The following SOX6 variants were observed in gnomAD, a reference collection of about 807,000 sequenced individuals.
The protein encoded by SOX6 is transcription factor SOX-6.
In SOX6, 11 loss-of-function variants were observed where a neutral mutation model predicts 97.8. The ratio of observed to expected loss-of-function variants is 0.11; its 90% CI spans 0.07 to 0.19. The LOEUF is 0.19. SOX6 is among the 10% of genes least tolerant of loss of function. The pLI, the probability that SOX6 is intolerant of heterozygous loss-of-function variation, is 1.00. For missense variants in SOX6, 810 were observed against 1,039.5 expected, an observed-to-expected ratio of 0.78 and a Z score of 3.04; for synonymous variants, 360 against 371.4, an observed-to-expected ratio of 0.97 and a Z score of 0.35.
chr11:16,425,215 A>AAAC (rs1363532287), intron 1 of SOX6, among the ~76,000 whole-genome samples: 5 of 152,224 alleles, frequency 3.3e-5, no homozygotes, highest in Admixed American at 6.5e-5. Context: ...ATTTTCTAAG[A>AAAC]AACAGTCTGA....
At chr11:16,349,688 GGAAGGAAGGAAGGAAGGAAGGAAGGAA>G (rs1183127063) in intron 1 of SOX6, among the ~76,000 whole-genome samples, 15 of 56,664 alleles carry the variant, frequency 2.6e-4, no homozygotes, top group African/African-American at 7.5e-4. Context: ...AAGGAAGGAA[GGAAGGAAGGAAGGAAGGAAGGAAGGAA>G]GAAGGAAGGA....
chr11:16,045,092 A>G (rs1169471990), intron 12 of SOX6, among the ~76,000 whole-genome samples: 1 of 152,116 alleles, frequency 6.6e-6, no homozygotes, highest in African/African-American at 2.4e-5. Context: ...TTCCCTCCCA[A>G]ATGAATTTAA....
rs1848383080 is a variant in SOX6 at position 16,610,443 on chromosome 11, T to C, written n.609+1638A>G. ...GGGTTCTGGTGGGCAAGACTGACCC[T>C]GCCGACCAGATGCAGGCCGCTAGCG... On this transcript the variant is annotated intron_variant and non_coding_transcript_variant, in intron 4 of 5. Transcript: ENST00000524520. This position sits in a 1 kb window ranked among gnomAD's most constrained non-coding sequence, Gnocchi z 4.4. Among the ~76,000 whole-genome samples the C allele has an allele frequency of 6.6e-6, 1 of 152,126 alleles. No individual in the cohort carries two copies. The highest frequency in any genetic ancestry group is 2.4e-5 in the African/African-American group (1 of 41,420).
intron 3 of SOX6, among the ~76,000 whole-genome samples, chr11:16,293,281 T>C (rs1854968708): frequency 6.6e-6 from 1 of 152,106 alleles, no homozygotes; most frequent in African/African-American, 2.4e-5. Flanking sequence ...TTTGTAATAG[T>C]AGATGAGAGA....
chr11:16,161,809 T>TG (rs1254548209), intron 6 of SOX6, among the ~76,000 whole-genome samples: 1 of 152,226 alleles, frequency 6.6e-6, no homozygotes, highest in Non-Finnish European at 1.5e-5. Context: ...CACTTGGCCT[T>TG]GCCTTAGTGT....
chr11:16,439,317 G>A (rs1859452624), intron 1 of SOX6, among the ~76,000 whole-genome samples: 1 of 152,048 alleles, frequency 6.6e-6, no homozygotes, highest in African/African-American at 2.4e-5. Flanking sequence ...TTATTTAATT[G>A]TATTTCTATC....
intron 4 of SOX6, among the ~76,000 whole-genome samples, chr11:16,551,631 T>A (rs1212233644): frequency 1.3e-5 from 2 of 151,788 alleles, no homozygotes; most frequent in Admixed American, 6.6e-5. Context: ...TGAGACAGAG[T>A]CTCACTCTGT....
At chr11:16,075,652 G>T (rs1270618425) in intron 9 of SOX6, among the ~76,000 whole-genome samples, 1 of 152,054 alleles carries the variant, frequency 6.6e-6, no homozygotes, top group Non-Finnish European at 1.5e-5. Flanking sequence ...ACCAAGTCCT[G>T]TTGGGGAGTG....
intron 3 of SOX6, among the ~76,000 whole-genome samples, chr11:16,618,486 T>C (rs2133987069): frequency 6.6e-6 from 1 of 152,002 alleles, no homozygotes; most frequent in Non-Finnish European, 1.5e-5. Context: ...TTTAATGAAG[T>C]CTAAAGGAGC....
chr11:16,219,745 G>A (rs1402848687), intron 4 of SOX6, among the ~76,000 whole-genome samples: 2 of 151,962 alleles, frequency 1.3e-5, no homozygotes, highest in East Asian at 1.9e-4. Context: ...TAAATACTAA[G>A]TATGTAGGAG....
chr11:16,020,029 T>A (rs1196388934), intron 12 of SOX6, among the ~76,000 whole-genome samples: 1 of 152,128 alleles, frequency 6.6e-6, no homozygotes, highest in East Asian at 1.9e-4. Context: ...TCCATTTGTG[T>A]ATTTTGATGT....
At position 15,970,937 on chromosome 11, in the gene SOX6, A is replaced by G. The variant is rs983561024; in HGVS notation, c.*1872T>C. On this transcript the variant is annotated 3_prime_UTR_variant, in exon 16 of 16. Coordinates refer to ENST00000683767, the MANE Select transcript of SOX6 (RefSeq NM_001367873.1). ...AGCCCCCCGATAGACAACCTGTCCT[A>G]GTTTCAGGAAGGCCAAAATGACATG... 5.9e-5 allele frequency: 9 copies of G among 152,566 alleles called. No individual in the cohort carries two copies. Among genetic ancestry groups the G allele is most frequent in the African/African-American group, 2.2e-4 (9 of 41,460 alleles). 9.5% of individuals were successfully genotyped at this position (152,566 alleles called of 1,614,324 possible).
At chr11:16,395,792 G>T (rs1207678054) in intron 1 of SOX6, among the ~76,000 whole-genome samples, 1 of 151,704 alleles carries the variant, frequency 6.6e-6, no homozygotes, top group Non-Finnish European at 1.5e-5. Context: ...AAATGCATGA[G>T]TCATTATCAC....
At chr11:16,718,675 A>G (rs570296137) in intron 2 of SOX6, among the ~76,000 whole-genome samples, 1 of 152,332 alleles carries the variant, frequency 6.6e-6, no homozygotes, top group South Asian at 2.1e-4. Flanking sequence ...TGGTGAGATT[A>G]TAAATGTTTT....
intron 4 of SOX6, among the ~76,000 whole-genome samples, chr11:16,530,591 C>T (rs73435553): frequency 0.025 from 3,815 of 151,968 alleles, 148 homozygotes; most frequent in African/African-American, 0.087. Flanking sequence ...TTTCTCTAAA[C>T]GTATGAAAGG....
At chr11:16,408,971 T>C (rs1858740055) in intron 1 of SOX6, 1 of 152,184 alleles carries the variant, frequency 6.6e-6, no homozygotes, top group Non-Finnish European at 1.5e-5. Context: ...TTCTACCCTT[T>C]TGCCTTTATA....
chr11:16,009,373 G>A (rs1349874071), intron 13 of SOX6, among the ~76,000 whole-genome samples: 3 of 151,942 alleles, frequency 2.0e-5, no homozygotes, highest in Non-Finnish European at 2.9e-5. Flanking sequence ...AAAATTTAGG[G>A]GAAGAAAATG....
At chr11:16,508,514 AT>A (rs1860825879) in intron 4 of SOX6, among the ~76,000 whole-genome samples, 1 of 152,132 alleles carries the variant, frequency 6.6e-6, no homozygotes, top group Admixed American at 6.6e-5. Context: ...AAAAAAATAA[AT>A]CATGTCATTT....
chr11:16,137,415 G>C (rs1019019489), intron 6 of SOX6, among the ~76,000 whole-genome samples: 2 of 152,074 alleles, frequency 1.3e-5, no homozygotes, highest in Non-Finnish European at 2.9e-5. Context: ...AACAGAGTAA[G>C]ACTCTCTCTC....
Sources: gnomAD v4.1 joint callset for allele counts (sites outside exome capture counted in the v4.1 genomes callset) on GRCh38, gnomAD v4.1.1 for gene constraint, Gnocchi (gnomAD v3.1) non-coding constraint, MANE v1.5 for transcripts, NCBI Gene and HGNC (gene_info 2026-07-23, HGNC 2026-07-21) for gene names.